Variants in LRFN5 observed in about 807,000 individuals in gnomAD.
The protein encoded by LRFN5 is leucine-rich repeat and fibronectin type-III domain-containing protein 5.
In LRFN5, 24 loss-of-function variants were observed where a neutral mutation model predicts 45.6. That is an observed-to-expected ratio of 0.53 (90% confidence interval 0.38 to 0.74). LRFN5 has a LOEUF of 0.74. Among genes scored for constraint, LRFN5 ranks in the 30% least tolerant of loss-of-function variants. The pLI is 0.00. For missense variants in LRFN5, 776 were observed against 861.5 expected (o/e 0.90, Z 1.24); for synonymous variants, 340 against 313.8 (o/e 1.08, Z -0.88).
intron 4 of LRFN5, chr14:41,893,734 A>G (rs1039671315): frequency 1.0e-6 from 1 of 985,400 alleles, no homozygotes; most frequent in African/African-American, 1.7e-5. Context: ...GTTAGAGATT[A>G]CTTTCAGTGC....
chr14:41,869,796 A>G (rs1889958237), intron 2 of LRFN5, among the ~76,000 whole-genome samples: 1 of 151,980 alleles, frequency 6.6e-6, no homozygotes. Flanking sequence ...GAGAACAGCA[A>G]GAGAAAGACC....
chr14:41,747,572 C>T (rs1884972943), intron 1 of LRFN5, among the ~76,000 whole-genome samples: 1 of 151,920 alleles, frequency 6.6e-6, no homozygotes, highest in Non-Finnish European at 1.5e-5. Flanking sequence ...CCTCTTAAAA[C>T]AGCACACAAG....
intron 2 of LRFN5, among the ~76,000 whole-genome samples, chr14:41,803,813 A>T (rs1887424586): frequency 6.6e-6 from 1 of 152,090 alleles, no homozygotes; most frequent in Admixed American, 6.6e-5. Context: ...TGCAATGGAG[A>T]AAGAGCTTTA....
intron 1 of LRFN5, among the ~76,000 whole-genome samples, chr14:41,645,917 A>G (rs1041968062): frequency 1.3e-5 from 2 of 152,196 alleles, no homozygotes; most frequent in Non-Finnish European, 2.9e-5. Flanking sequence ...CAGCAACTTC[A>G]TGAAAATTAA....
chr14:41,638,325 A>G (rs187391365), intron 1 of LRFN5, among the ~76,000 whole-genome samples: 2 of 152,056 alleles, frequency 1.3e-5, no homozygotes, highest in Non-Finnish European at 2.9e-5. Flanking sequence ...GAGCTGTGCA[A>G]TTCTCCTTAG....
At chr14:41,682,177 A>C (rs975121683) in intron 1 of LRFN5, among the ~76,000 whole-genome samples, 1 of 152,082 alleles carries the variant, frequency 6.6e-6, no homozygotes, top group African/African-American at 2.4e-5. Context: ...AATAATGACA[A>C]GGAGGTTGCA....
At chr14:41,794,629 G>C (rs1429621227) in intron 2 of LRFN5, among the ~76,000 whole-genome samples, 1 of 151,922 alleles carries the variant, frequency 6.6e-6, no homozygotes, top group African/African-American at 2.4e-5. Flanking sequence ...TAGATGTGAG[G>C]GTACTGACAT....
At chr14:41,609,828 T>G (rs1159779660) in intron 1 of LRFN5, among the ~76,000 whole-genome samples, 1 of 152,192 alleles carries the variant, frequency 6.6e-6, no homozygotes, top group African/African-American at 2.4e-5. Flanking sequence ...TTCTCTTTGC[T>G]AACGCCGTTT....
At chr14:41,702,330 G>A (rs1882872713) in intron 1 of LRFN5, among the ~76,000 whole-genome samples, 1 of 152,122 alleles carries the variant, frequency 6.6e-6, no homozygotes, top group Non-Finnish European at 1.5e-5. Flanking sequence ...GTGAAATACA[G>A]TTCACACTTC....
At chr14:41,623,193 A>G (rs1238675377) in intron 1 of LRFN5, among the ~76,000 whole-genome samples, 1 of 152,078 alleles carries the variant, frequency 6.6e-6, no homozygotes, top group Non-Finnish European at 1.5e-5. Flanking sequence ...ATAATTTTCC[A>G]TTTGACAAAT....
intron 1 of LRFN5, among the ~76,000 whole-genome samples, chr14:41,683,385 A>T (rs576664815): frequency 6.6e-6 from 1 of 152,326 alleles, no homozygotes; most frequent in African/African-American, 2.4e-5. Flanking sequence ...GAAACTGTAA[A>T]CATTTCTTCT....
chr14:41,842,017 T>C (rs1268759629), intron 2 of LRFN5, among the ~76,000 whole-genome samples: 1 of 151,992 alleles, frequency 6.6e-6, no homozygotes, highest in East Asian at 1.9e-4. Context: ...AAATATGTGC[T>C]ATAGTACATA....
intron 2 of LRFN5, among the ~76,000 whole-genome samples, chr14:41,780,818 T>C (rs1227366659): frequency 1.3e-5 from 2 of 152,072 alleles, no homozygotes; most frequent in African/African-American, 4.8e-5. Flanking sequence ...TCTCTCCTTA[T>C]GTATTAATTC....
At chr14:41,888,517 GA>G (rs1393316744) in intron 3 of LRFN5, among the ~76,000 whole-genome samples, 4 of 152,108 alleles carry the variant, frequency 2.6e-5, no homozygotes, top group African/African-American at 9.7e-5. Context: ...AAGCCATTTG[GA>G]GTCAAGTCTT....
rs1891184272 is a variant in LRFN5 at position 41,904,186 on chromosome 14, T to C, written c.*11T>C. ...CTGGAGTTAATCTGAAGAGCACCACTTCTCCTCTCTCTCCTGAAAAAATTT... is the reference window on the plus strand; with the variant it reads ...CTGGAGTTAATCTGAAGAGCACCACCTCTCCTCTCTCTCCTGAAAAAATTT... On this transcript the variant is annotated 3_prime_UTR_variant, in exon 6 of 6. Coordinates refer to ENST00000298119, the MANE Select transcript of LRFN5 (RefSeq NM_152447.5). The C allele has an allele frequency of 6.2e-7, 1 of 1,609,082 alleles. No homozygotes were observed. The highest frequency in any genetic ancestry group is 1.3e-5 in the African/African-American group (1 of 74,682).
intron 2 of LRFN5, among the ~76,000 whole-genome samples, chr14:41,841,568 A>G (rs1295999365): frequency 1.3e-5 from 2 of 151,930 alleles, no homozygotes; most frequent in African/African-American, 2.4e-5. Context: ...ATATTTATGT[A>G]CTGTTCCATT....
chr14:41,758,025 G>T (rs1312744663), intron 1 of LRFN5, among the ~76,000 whole-genome samples: 1 of 152,070 alleles, frequency 6.6e-6, no homozygotes, highest in Non-Finnish European at 1.5e-5. Flanking sequence ...TAAAAGTAGA[G>T]CCCCCATGCA....
intron 1 of LRFN5, among the ~76,000 whole-genome samples, chr14:41,760,203 G>A (rs959783749): frequency 2.6e-5 from 4 of 152,046 alleles, no homozygotes; most frequent in East Asian, 1.9e-4. Context: ...TCTGCTACAC[G>A]TATAGCCACA....
At chr14:41,616,098 ATCTT>A (rs2138547283) in intron 1 of LRFN5, among the ~76,000 whole-genome samples, 2 of 152,256 alleles carry the variant, frequency 1.3e-5, no homozygotes, top group East Asian at 3.9e-4. Context: ...AGTTACTTAA[ATCTT>A]TCCCAATAAA....
Sources: allele counts gnomAD v4.1 joint callset (sites outside exome capture counted in the v4.1 genomes callset), GRCh38; gene constraint gnomAD v4.1.1; transcripts MANE v1.5; gene names NCBI Gene and HGNC (gene_info 2026-07-23, HGNC 2026-07-21).